KAZN: variants seen among roughly 807,000 people sequenced by gnomAD.
KAZN encodes the protein kazrin, periplakin interacting protein.
KAZN carries 40 observed loss-of-function variants against 87.4 expected under a neutral mutation model. The ratio of observed to expected loss-of-function variants is 0.46; its 90% confidence interval spans 0.36 to 0.60. The LOEUF is 0.60. KAZN is among the 20% of genes least tolerant of loss of function. KAZN has a pLI of 0.00. For synonymous variants in KAZN, 466 were observed against 458.3 expected (o/e 1.02, Z -0.22); for missense variants, 898 against 1,073.9 (o/e 0.84, Z 2.29).
At position 14,996,203 on chromosome 1, in the gene KAZN, C is replaced by T. The variant is rs577354143; in HGVS notation, c.418+35328C>T. Among the ~76,000 whole-genome samples, 4 of 152,196 alleles carry T rather than the reference C, an allele frequency of 2.6e-5. No individual in the cohort carries two copies. The highest frequency in any genetic ancestry group is 5.9e-5 in the Non-Finnish European group (4 of 68,044). On this transcript the variant is annotated intron_variant, in intron 2 of 14. Coordinates refer to ENST00000376030, the MANE Select transcript of KAZN (RefSeq NM_201628.3). The surrounding 1 kb of genome is among the most constrained non-coding windows in gnomAD (Gnocchi z 5.9). ...CTTCATGCCCCGCCCACTCCACCCC[C>T]AGTGCCTGGCATCTTGAACAGGGGT...
At chr1:14,671,048 G>A (rs1368141275) in intron 1 of KAZN, among the ~76,000 whole-genome samples, 1 of 152,156 alleles carries the variant, frequency 6.6e-6, no homozygotes, top group Non-Finnish European at 1.5e-5. Flanking sequence ...TAGTGCTGAG[G>A]TTGAGAGGTC....
intron 2 of KAZN, among the ~76,000 whole-genome samples, chr1:14,261,359 A>G (rs1307781789): frequency 6.6e-6 from 1 of 152,226 alleles, no homozygotes; most frequent in Non-Finnish European, 1.5e-5. Flanking sequence ...AGCTCTGATC[A>G]TCGCCATCAA....
intron 2 of KAZN, among the ~76,000 whole-genome samples, chr1:14,521,168 A>G (rs1235506771): frequency 6.6e-6 from 1 of 152,216 alleles, no homozygotes; most frequent in Non-Finnish European, 1.5e-5. Flanking sequence ...GGAGAAATGC[A>G]AATAAAGATC....
At chr1:13,986,129 G>GC (rs1351069094) in intron 1 of KAZN, among the ~76,000 whole-genome samples, 3 of 152,176 alleles carry the variant, frequency 2.0e-5, no homozygotes, top group African/African-American at 7.2e-5. Flanking sequence ...ATTTCCAACA[G>GC]CAGTGTATGA....
At chr1:14,226,258 A>G (rs1647284924) in intron 2 of KAZN, among the ~76,000 whole-genome samples, 1 of 152,206 alleles carries the variant, frequency 6.6e-6, no homozygotes, top group Admixed American at 6.5e-5. Context: ...ACATGAACAG[A>G]CACTTCTCAA....
chr1:14,244,800 G>A (rs964312410), intron 2 of KAZN, among the ~76,000 whole-genome samples: 1 of 152,096 alleles, frequency 6.6e-6, no homozygotes, highest in African/African-American at 2.4e-5. Flanking sequence ...GTGAGCAGGT[G>A]GGTAGGGGGT....
At chr1:14,721,644 A>G (rs1336094213) in intron 1 of KAZN, among the ~76,000 whole-genome samples, 2 of 152,206 alleles carry the variant, frequency 1.3e-5, no homozygotes, top group Non-Finnish European at 2.9e-5. Flanking sequence ...TCCATTTGAA[A>G]GGTATCTTGG....
chr1:14,989,679 T>A (rs1007372663), intron 2 of KAZN, among the ~76,000 whole-genome samples: 1 of 151,846 alleles, frequency 6.6e-6, no homozygotes, highest in Non-Finnish European at 1.5e-5. Flanking sequence ...AGTGTGGGGG[T>A]AGTAGTAGAA....
intron 1 of KAZN, among the ~76,000 whole-genome samples, chr1:13,972,120 G>C (rs542407867): frequency 2.2e-4 from 33 of 152,258 alleles, no homozygotes; most frequent in South Asian, 4.1e-4. Context: ...TTAAATCAGA[G>C]TGGAAAAGGC....
intron 1 of KAZN, among the ~76,000 whole-genome samples, chr1:14,007,303 T>G (rs1423191503): frequency 1.3e-5 from 2 of 152,230 alleles, no homozygotes; most frequent in Non-Finnish European, 2.9e-5. Flanking sequence ...TTTGACTTCT[T>G]CCTTTTTGAT....
intron 2 of KAZN, among the ~76,000 whole-genome samples, chr1:15,008,302 A>T (rs1669237348): frequency 6.6e-6 from 1 of 152,038 alleles, no homozygotes; most frequent in African/African-American, 2.4e-5. Context: ...AGTGGCCAGA[A>T]GTGGCAGGTG....
At chr1:14,724,571 C>T (rs1643289341) in intron 1 of KAZN, among the ~76,000 whole-genome samples, 2 of 152,228 alleles carry the variant, frequency 1.3e-5, no homozygotes. Context: ...AAACCAATTG[C>T]TCTCCTGGTT....
intron 2 of KAZN, among the ~76,000 whole-genome samples, chr1:14,961,381 CCA>C (rs1663847044): frequency 6.6e-6 from 1 of 152,118 alleles, no homozygotes; most frequent in East Asian, 1.9e-4. Flanking sequence ...AAGACAAGGA[CCA>C]CAGACCCGTA....
At chr1:14,618,541 C>T (rs1449229685) in intron 1 of KAZN, among the ~76,000 whole-genome samples, 1 of 152,202 alleles carries the variant, frequency 6.6e-6, no homozygotes, top group East Asian at 1.9e-4. Context: ...AGGGACAAGG[C>T]ATCCTTCTAA....
chr1:14,102,362 G>T (rs1342847524), intron 1 of KAZN, among the ~76,000 whole-genome samples: 2 of 152,176 alleles, frequency 1.3e-5, no homozygotes, highest in Admixed American at 1.3e-4. Context: ...CTGCCCTCAC[G>T]CCCTTTGGTT....
At chr1:15,079,901 T>C (rs1573264658) in intron 8 of KAZN, among the ~76,000 whole-genome samples, 1 of 152,352 alleles carries the variant, frequency 6.6e-6, no homozygotes, top group African/African-American at 2.4e-5. Context: ...TTTTGATGTA[T>C]AGATATATAT....
At chr1:14,402,843 TTTGAGACAGA>T (rs1557693735) in intron 2 of KAZN, among the ~76,000 whole-genome samples, 3 of 152,148 alleles carry the variant, frequency 2.0e-5, no homozygotes, top group Non-Finnish European at 4.4e-5. Context: ...TTTTTTTTTT[TTTGAGACAGA>T]GTCTCACTCT....
chr1:14,454,356 T>C (rs865941187), intron 2 of KAZN, among the ~76,000 whole-genome samples: 2 of 152,250 alleles, frequency 1.3e-5, no homozygotes, highest in Non-Finnish European at 2.9e-5. Context: ...CATTCAATTG[T>C]CAAATTCTAA....
intron 2 of KAZN, among the ~76,000 whole-genome samples, chr1:14,373,990 A>G (rs1539170): frequency 0.27 from 41,224 of 152,092 alleles, 6,639 homozygotes; most frequent in Non-Finnish European, 0.37. Context: ...ACATAAGCCA[A>G]TCTCACCATG....
Sources: allele counts gnomAD v4.1 joint callset (sites outside exome capture counted in the v4.1 genomes callset), GRCh38; gene constraint gnomAD v4.1.1; non-coding constraint Gnocchi (gnomAD v3.1); transcripts MANE v1.5; gene names NCBI Gene and HGNC (gene_info 2026-07-23, HGNC 2026-07-21).